Variants in CA10 observed in about 807,000 individuals in gnomAD.
The protein encoded by CA10 is carbonic anhydrase 10 (inactive).
CA10 carries 14 observed loss-of-function variants against 44.2 expected under a neutral mutation model. The ratio of observed to expected loss-of-function variants is 0.32; its 90% CI spans 0.21 to 0.50. The LOEUF is 0.50. CA10 is among the 20% of genes least tolerant of loss of function. The probability of loss-of-function intolerance (pLI) is 0.99; values close to 1 mark genes in which losing one functional copy is unlikely to be tolerated. For missense variants in CA10, 350 were observed against 409.7 expected, an observed-to-expected ratio of 0.85 and a Z score of 1.26; for synonymous variants, 159 against 141.6, an observed-to-expected ratio of 1.12 and a Z score of -0.87.
intron 2 of CA10, among the ~76,000 whole-genome samples, chr17:52,027,970 C>T (rs1054629804): frequency 1.3e-5 from 2 of 152,150 alleles, no homozygotes; most frequent in Non-Finnish European, 2.9e-5. Context: ...GGCTGGACTG[C>T]TTTTGGCTGA....
chr17:51,931,237 C>A lies in CA10; in HGVS notation c.137-105G>T, dbSNP rs1598124198. On this transcript the variant is annotated intron_variant, in intron 2 of 8. Transcript: ENST00000451037. ...ACGTGGTAAAATGGAAGAGAACCAC[C>A]AAATGTTCCCACCCATGGAGATCCT... The A allele has an allele frequency of 8.3e-6, 9 of 1,085,186 alleles. No individual in the cohort carries two copies. In the East Asian group the frequency reaches 1.9e-4, roughly 23 times the overall value. 67.2% of individuals were successfully genotyped at this position (1,085,186 alleles called of 1,614,324 possible). A position where few individuals can be genotyped will look rare whatever the true frequency, so the allele number is the denominator to read the frequency against.
intron 3 of CA10, among the ~76,000 whole-genome samples, chr17:51,903,112 A>G (rs1198565275): frequency 6.6e-6 from 1 of 152,174 alleles, no homozygotes; most frequent in Non-Finnish European, 1.5e-5. Flanking sequence ...AAGATTGACC[A>G]AATGATTATA....
At chr17:51,856,531 C>T (rs9890222) in intron 3 of CA10, among the ~76,000 whole-genome samples, 98,540 of 151,886 alleles carry the variant, frequency 0.65, 32,217 homozygotes, top group African/African-American at 0.69. Context: ...GATAAACAAG[C>T]AGAAAATACA....
At chr17:51,794,191 T>C (rs1309441977) in intron 3 of CA10, among the ~76,000 whole-genome samples, 1 of 152,236 alleles carries the variant, frequency 6.6e-6, no homozygotes, top group Non-Finnish European at 1.5e-5. Context: ...GGGAAAGGTG[T>C]GTTTTTAGTT....
intron 2 of CA10, among the ~76,000 whole-genome samples, chr17:51,984,123 A>T (rs1166344962): frequency 1.3e-5 from 2 of 151,732 alleles, no homozygotes; most frequent in African/African-American, 4.8e-5. Context: ...AAAGCACTCT[A>T]CCCTTTCACC....
chr17:51,662,149 C>A (rs558309584), intron 4 of CA10, among the ~76,000 whole-genome samples: 52 of 152,286 alleles, frequency 3.4e-4, no homozygotes, highest in East Asian at 5.8e-4. Context: ...AAGCATTAAG[C>A]TCTCCCTTTC....
At chr17:51,886,707 T>C (rs1026949699) in intron 3 of CA10, among the ~76,000 whole-genome samples, 3 of 152,230 alleles carry the variant, frequency 2.0e-5, no homozygotes, top group Non-Finnish European at 4.4e-5. Context: ...TTTGAATCAG[T>C]AGAACTAGTA....
At chr17:51,835,836 T>A (rs1214927772) in intron 3 of CA10, among the ~76,000 whole-genome samples, 5 of 151,892 alleles carry the variant, frequency 3.3e-5, no homozygotes, top group Admixed American at 1.3e-4. Context: ...GCCATAAGAG[T>A]GTAATAGACA....
intron 2 of CA10, among the ~76,000 whole-genome samples, chr17:51,983,576 T>C (rs1160084563): frequency 6.6e-6 from 1 of 150,930 alleles, no homozygotes; most frequent in African/African-American, 2.4e-5. Context: ...AGGTGTTTTT[T>C]TTTCCAGATG....
intron 6 of CA10, among the ~76,000 whole-genome samples, chr17:51,638,743 G>C (rs1192452106): frequency 6.6e-6 from 1 of 152,228 alleles, no homozygotes; most frequent in Non-Finnish European, 1.5e-5. Flanking sequence ...GAGAGAGGCT[G>C]TGAGTTCTGT....
chr17:51,926,734 T>C (rs1441008496), intron 3 of CA10, among the ~76,000 whole-genome samples: 1 of 152,218 alleles, frequency 6.6e-6, no homozygotes, highest in African/African-American at 2.4e-5. Flanking sequence ...TTAAGGACTC[T>C]ATGGTTACAA....
intron 2 of CA10, among the ~76,000 whole-genome samples, chr17:51,937,346 G>A (rs994087932): frequency 1.3e-5 from 2 of 152,042 alleles, no homozygotes; most frequent in Non-Finnish European, 2.9e-5. Flanking sequence ...CATTATTAAT[G>A]AGCAAGTTTA....
At chr17:51,962,113 T>C (rs1479182399) in intron 2 of CA10, among the ~76,000 whole-genome samples, 1 of 152,220 alleles carries the variant, frequency 6.6e-6, no homozygotes, top group African/African-American at 2.4e-5. Context: ...CATATTTGCA[T>C]GGATTATAAG....
At chr17:51,797,354 G>A (rs1348649760) in intron 3 of CA10, among the ~76,000 whole-genome samples, 8 of 152,160 alleles carry the variant, frequency 5.3e-5, no homozygotes, top group East Asian at 1.9e-4. Context: ...GCGCGCGCAC[G>A]CACGCGTGCA....
At chr17:51,870,116 G>C (rs1979736131) in intron 3 of CA10, among the ~76,000 whole-genome samples, 1 of 152,210 alleles carries the variant, frequency 6.6e-6, no homozygotes, top group Non-Finnish European at 1.5e-5. Flanking sequence ...ATGATACTCT[G>C]TCTTAGCCTC....
upstream of CA10, chr17:52,159,956 G>C (rs1989906102): frequency 1.3e-5 from 2 of 152,128 alleles, no homozygotes; most frequent in Non-Finnish European, 2.9e-5. Context: ...AGGAGGGAGC[G>C]TAGAGGGAAT....
At chr17:52,054,841 G>C (rs1987180636) in intron 2 of CA10, among the ~76,000 whole-genome samples, 1 of 151,964 alleles carries the variant, frequency 6.6e-6, no homozygotes, top group African/African-American at 2.4e-5. Context: ...AAACTATCCA[G>C]AATGAGAGAG....
chr17:51,891,392 C>T (rs1168790093), intron 3 of CA10, among the ~76,000 whole-genome samples: 2 of 152,118 alleles, frequency 1.3e-5, no homozygotes, highest in African/African-American at 2.4e-5. Flanking sequence ...ATGAGGAAAA[C>T]CTGTTGAATG....
intron 1 of CA10, among the ~76,000 whole-genome samples, chr17:52,076,036 T>A (rs1211864960): frequency 6.6e-6 from 1 of 152,144 alleles, no homozygotes; most frequent in Non-Finnish European, 1.5e-5. Flanking sequence ...ATGCATGTTG[T>A]CAAGACGGCA....
Sources: gnomAD v4.1 joint callset for allele counts (sites outside exome capture counted in the v4.1 genomes callset) on GRCh38, gnomAD v4.1.1 for gene constraint, MANE v1.5 for transcripts, NCBI Gene and HGNC (gene_info 2026-07-23, HGNC 2026-07-21) for gene names.